Variants in PPARGC1A observed in about 807,000 individuals in gnomAD.
PPARGC1A encodes the protein peroxisome proliferator-activated receptor gamma coactivator 1-alpha.
In PPARGC1A, 25 loss-of-function variants were observed where a neutral mutation model predicts 88.7. The ratio of observed to expected loss-of-function variants is 0.28; its 90% CI spans 0.21 to 0.39. The LOEUF is 0.39. PPARGC1A is among the 10% of genes least tolerant of loss of function. The pLI, the probability that PPARGC1A is intolerant of heterozygous loss-of-function variation, is 1.00. For synonymous variants in PPARGC1A, 363 were observed against 355.6 expected (o/e 1.02, Z -0.24); for missense variants, 880 against 968.7 (o/e 0.91, Z 1.22).
the PPARGC1A span, among the ~76,000 whole-genome samples, chr4:24,424,258 C>CTTTTTTTTTTT: frequency 5.6e-4 from 25 of 44,348 alleles, 8 homozygotes; most frequent in Admixed American, 1.3e-3. Context: ...TATACACACA[C>CTTTTTTTTTTT]TTTTTTTTTT....
At position 23,813,956 on chromosome 4, in the gene PPARGC1A, G is replaced by A. The variant is rs1256630689; in HGVS notation, c.1527C>T (p.Gly509=). 1.2e-6 allele frequency: 2 copies of A among 1,614,054 alleles called. No individual in the cohort carries two copies. Among genetic ancestry groups the A allele is most frequent in the East Asian group, 2.2e-5 (1 of 44,868 alleles). ...TTTCATCTTCGCTGTCATCAAACAG[G>A]CCATCCATGGCTAGTCCTGAATTTA... is the stretch of plus-strand genomic sequence containing the variant. The part of the protein sequence containing the change: ...MFINSGLAMD[G]LFDDSEDESD... The change falls in exon 8 of 13, where the codon GGC becomes GGT. Residue 509 remains glycine, a synonymous_variant. Coordinates refer to ENST00000264867, the MANE Select transcript of PPARGC1A (RefSeq NM_013261.5).
At chr4:23,898,009 G>A (rs916432186) in intron 1 of PPARGC1A, among the ~76,000 whole-genome samples, 8 of 152,266 alleles carry the variant, frequency 5.3e-5, no homozygotes, top group African/African-American at 1.9e-4. Flanking sequence ...TTAGAAAGAA[G>A]GGTGGATATT....
At chr4:24,100,579 T>C in the PPARGC1A span, among the ~76,000 whole-genome samples, 1 of 152,134 alleles carries the variant, frequency 6.6e-6, no homozygotes, top group Non-Finnish European at 1.5e-5. Context: ...GATGACTGAT[T>C]TTGTATAAAT....
intron 1 of PPARGC1A, among the ~76,000 whole-genome samples, chr4:23,888,169 G>A (rs1387319375): frequency 1.3e-5 from 2 of 152,216 alleles, no homozygotes; most frequent in East Asian, 1.9e-4. Flanking sequence ...TGTAGGCAAA[G>A]CTTCTAGCAG....
chr4:23,968,787 T>C, the PPARGC1A span, among the ~76,000 whole-genome samples: 1 of 151,906 alleles, frequency 6.6e-6, no homozygotes, highest in African/African-American at 2.4e-5. Flanking sequence ...TGGTGGTGGG[T>C]GCCCGTAGTC....
intron 2 of PPARGC1A, among the ~76,000 whole-genome samples, chr4:23,880,195 C>G (rs1387267513): frequency 1.3e-5 from 2 of 152,130 alleles, no homozygotes; most frequent in Non-Finnish European, 2.9e-5. Context: ...TTGCTAAGAA[C>G]TAAAAACATA....
At chr4:23,894,346 C>A (rs895867078), upstream of PPARGC1A, among the ~76,000 whole-genome samples, 2 of 151,756 alleles carry the variant, frequency 1.3e-5, no homozygotes, top group Admixed American at 6.6e-5. Flanking sequence ...TAAACACATG[C>A]TTTGGGCCTC....
Position 23,809,564 on chromosome 4 carries a change from T to A in PPARGC1A, c.2019+3183A>T, listed in dbSNP as rs373159560. Among the ~76,000 whole-genome samples, 16 of 152,282 alleles carry A rather than the reference T, an allele frequency of 1.1e-4. No homozygotes were observed. In the East Asian group the frequency reaches 3.1e-3, roughly 29 times the overall value. On this transcript the variant is annotated intron_variant, in intron 10 of 12. Coordinates refer to ENST00000264867, the MANE Select transcript of PPARGC1A (RefSeq NM_013261.5). ...TCCAGTAATCATACAATGCAGTATG[T>A]CATGTAAAATTTTCTAAGAGCCACA...
At chr4:24,232,824 G>C in the PPARGC1A span, among the ~76,000 whole-genome samples, 1 of 152,164 alleles carries the variant, frequency 6.6e-6, no homozygotes, top group African/African-American at 2.4e-5. Context: ...ATGCTAAAAT[G>C]CAAATAATTC....
chr4:24,018,091 T>C, the PPARGC1A span, among the ~76,000 whole-genome samples: 14 of 152,168 alleles, frequency 9.2e-5, no homozygotes, highest in Non-Finnish European at 1.6e-4. Context: ...AAAATAATTT[T>C]CCATTTATGA....
intron 2 of PPARGC1A, among the ~76,000 whole-genome samples, chr4:23,847,619 G>A (rs1728547565): frequency 6.6e-6 from 1 of 152,098 alleles, no homozygotes; most frequent in Non-Finnish European, 1.5e-5. Context: ...AAGATAAAAA[G>A]AAAACCAGGG....
At chr4:24,135,946 G>A in the PPARGC1A span, among the ~76,000 whole-genome samples, 3 of 152,142 alleles carry the variant, frequency 2.0e-5, no homozygotes, top group Non-Finnish European at 2.9e-5. Context: ...CCCTGCCAAG[G>A]GTAAAAAGTG....
At chr4:24,469,023 A>G in the PPARGC1A span, among the ~76,000 whole-genome samples, 35 of 152,278 alleles carry the variant, frequency 2.3e-4, no homozygotes, top group Middle Eastern at 6.8e-3. Flanking sequence ...AGCACTATAT[A>G]ACACTAGGAA....
At chr4:24,382,757 C>T in the PPARGC1A span, among the ~76,000 whole-genome samples, 25 of 152,332 alleles carry the variant, frequency 1.6e-4, no homozygotes, top group Non-Finnish European at 8.8e-5. Flanking sequence ...ATAGATAAAA[C>T]TCCCATCTCC....
At chr4:23,804,748 T>A (rs929568625) in intron 10 of PPARGC1A, among the ~76,000 whole-genome samples, 6 of 152,052 alleles carry the variant, frequency 3.9e-5, no homozygotes, top group African/African-American at 1.4e-4. Context: ...GCACCTTCCT[T>A]CCCAAAGCCT....
the PPARGC1A span, among the ~76,000 whole-genome samples, chr4:24,286,234 T>C: frequency 0.01 from 1,536 of 152,160 alleles, 13 homozygotes; most frequent in Non-Finnish European, 0.014. Context: ...GATATGGCTA[T>C]TGCTACCGAG....
At chr4:23,989,808 A>T in the PPARGC1A span, among the ~76,000 whole-genome samples, 868 of 151,792 alleles carry the variant, frequency 5.7e-3, 12 homozygotes, top group African/African-American at 0.02. Flanking sequence ...TTCTCAGGCT[A>T]TTCTTTGACA....
At chr4:23,874,170 A>C (rs969315382) in intron 2 of PPARGC1A, among the ~76,000 whole-genome samples, 1 of 152,246 alleles carries the variant, frequency 6.6e-6, no homozygotes, top group African/African-American at 2.4e-5. Flanking sequence ...TGTTGAACTG[A>C]TCGGTGTTAC....
chr4:24,471,829 A>ACC, the PPARGC1A span, among the ~76,000 whole-genome samples: 258 of 151,350 alleles, frequency 1.7e-3, 4 homozygotes, highest in Middle Eastern at 0.014. This position sits in a 1 kb window ranked among gnomAD's most constrained non-coding sequence, Gnocchi z 5.4. Flanking sequence ...TCTGCACCCC[A>ACC]CCCCCCCCAC....
Sources: allele counts gnomAD v4.1 joint callset (sites outside exome capture counted in the v4.1 genomes callset), GRCh38; gene constraint gnomAD v4.1.1; non-coding constraint Gnocchi (gnomAD v3.1); transcripts MANE v1.5; gene names NCBI Gene and HGNC (gene_info 2026-07-23, HGNC 2026-07-21).